The following AFF3 variants were observed in gnomAD, a reference collection of about 807,000 sequenced individuals.
AFF3 encodes the protein AF4/FMR2 family member 3.
A neutral mutation model predicts 129.7 loss-of-function variants in AFF3; 32 were observed. The ratio of observed to expected loss-of-function variants is 0.25; its 90% CI spans 0.19 to 0.33. The LOEUF (loss-of-function observed/expected upper bound fraction) is 0.33, where lower values mean the gene tolerates loss of function less well. AFF3 is among the 10% of genes least tolerant of loss of function. AFF3 has a pLI of 1.00. For synonymous variants in AFF3, 644 were observed against 635.4 expected (o/e 1.01, Z -0.20); for missense variants, 1,373 against 1,592.0 (o/e 0.86, Z 2.34).
chr2:99,642,770 C>A (rs576663594), intron 13 of AFF3, among the ~76,000 whole-genome samples: 6 of 152,340 alleles, frequency 3.9e-5, no homozygotes, highest in African/African-American at 1.4e-4. Context: ...GACCTGGGAT[C>A]TAGTCCTGGC....
chr2:99,670,646 T>C (rs1687074567), intron 12 of AFF3, among the ~76,000 whole-genome samples: 1 of 152,300 alleles, frequency 6.6e-6, no homozygotes, highest in Admixed American at 6.5e-5. Flanking sequence ...TTTAAAAGTA[T>C]GGGAATTACA....
chr2:99,856,113 G>A (rs928774845), intron 7 of AFF3, among the ~76,000 whole-genome samples: 7 of 152,114 alleles, frequency 4.6e-5, no homozygotes, highest in African/African-American at 1.7e-4. Context: ...ATATGACAAC[G>A]AAATGTGTGG....
At chr2:99,841,057 C>A (rs980882162) in intron 7 of AFF3, among the ~76,000 whole-genome samples, 1 of 152,210 alleles carries the variant, frequency 6.6e-6, no homozygotes, top group Non-Finnish European at 1.5e-5. Flanking sequence ...ACCTCAGGTC[C>A]TCCTGGTGGA....
rs751437215 is a variant in AFF3, at chr2:99,594,157, C to T, written c.1504G>A (p.Glu502Lys). The T allele has an allele frequency of 7.4e-6, 12 of 1,614,176 alleles. No individual in the cohort carries two copies. Among genetic ancestry groups the T allele is most frequent in the Non-Finnish European group, 9.3e-6 (11 of 1,180,036 alleles). ...ACTTTCCCACAGTCCTGGACGTCCT[C>T]TTTCACCGGGTTGTAGTACTGATTG... Reference protein sequence around the residue: ...ESNQYYNPVKEDVQDCGKVPD... With the variant: ...ESNQYYNPVKKDVQDCGKVPD... Residue 502 changes from glutamate to lysine, a missense_variant, in exon 15 of 25, where the codon GAG becomes AAG. Around this residue, in one of 9 missense-constraint regions of AFF3, gnomAD observed 413 missense variants for 424.4 expected, o/e 0.97. Coordinates refer to ENST00000672756, the MANE Select transcript of AFF3 (RefSeq NM_001386135.1).
At chr2:99,594,488 C>T (rs1236908619) in intron 14 of AFF3, among the ~76,000 whole-genome samples, 199 bp from the exon 15 acceptor site, 1 of 152,200 alleles carries the variant, frequency 6.6e-6, no homozygotes, top group Non-Finnish European at 1.5e-5. Context: ...TGATGCTGTC[C>T]TTACCGGCCC....
At chr2:100,135,649 C>T (rs915243340) in intron 1 of AFF3, among the ~76,000 whole-genome samples, 3 of 152,136 alleles carry the variant, frequency 2.0e-5, no homozygotes, top group African/African-American at 4.8e-5. Context: ...TGAGCAAATG[C>T]GGAAGGTTGT....
chr2:100,096,139 T>C (rs1690270575), intron 4 of AFF3, among the ~76,000 whole-genome samples: 1 of 140,334 alleles, frequency 7.1e-6, no homozygotes, highest in African/African-American at 2.7e-5. Flanking sequence ...AATGGGGACA[T>C]TTGGTCTGAA....
At chr2:99,642,296 T>C (rs1041578624) in intron 13 of AFF3, among the ~76,000 whole-genome samples, 12 of 152,168 alleles carry the variant, frequency 7.9e-5, no homozygotes, top group Non-Finnish European at 1.6e-4. Flanking sequence ...GATCTTTTTT[T>C]TTTTTTGAGA....
chr2:99,669,811 A>G (rs1037652465), intron 12 of AFF3, among the ~76,000 whole-genome samples: 2 of 152,192 alleles, frequency 1.3e-5, no homozygotes, highest in African/African-American at 2.4e-5. Context: ...CTCTAGTGAA[A>G]ATACAAAAAT....
chr2:100,080,822 T>C (rs1047737311), intron 4 of AFF3, among the ~76,000 whole-genome samples: 4 of 151,800 alleles, frequency 2.6e-5, no homozygotes, highest in Non-Finnish European at 5.9e-5. Context: ...CAGGAAAAGG[T>C]TGGAACCAGA....
intron 4 of AFF3, among the ~76,000 whole-genome samples, chr2:100,078,944 CTTTTT>C (rs35031023): frequency 7.6e-6 from 1 of 131,208 alleles, no homozygotes; most frequent in Non-Finnish European, 1.6e-5. Flanking sequence ...TGAATATTTT[CTTTTT>C]TTTTTTTTTT....
chr2:100,091,381 T>C (rs1176255279), intron 4 of AFF3, among the ~76,000 whole-genome samples: 1 of 151,702 alleles, frequency 6.6e-6, no homozygotes, highest in African/African-American at 2.4e-5. Flanking sequence ...TCTTTTCTAT[T>C]TGAAAATAGT....
intron 7 of AFF3, among the ~76,000 whole-genome samples, chr2:99,931,039 T>A (rs1354300196): frequency 6.6e-6 from 1 of 152,254 alleles, no homozygotes; most frequent in Non-Finnish European, 1.5e-5. Context: ...CTTTGCTTTT[T>A]TCAACTCTGT....
rs902170682 is a variant in AFF3 at position 99,550,226 on chromosome 2, G to A, written c.*1248C>T. The A allele has an allele frequency of 4.3e-6, 1 of 230,938 alleles. No individual in the cohort carries two copies. Among genetic ancestry groups the A allele is most frequent in the African/African-American group, 2.2e-5 (1 of 45,254 alleles). The allele number at this position is 230,938 out of a possible 1,614,324, so 14.3% of individuals were successfully genotyped here. ...ACAAGAGAAAAACTCAGAGCAAGGT[G>A]TAAACATACCAGACACACAGGACAC... On this transcript the variant is annotated 3_prime_UTR_variant, in exon 25 of 25. Coordinates refer to ENST00000672756, the MANE Select transcript of AFF3 (RefSeq NM_001386135.1).
At chr2:100,106,041 T>C (rs1691272015) in intron 2 of AFF3, 1 of 1,317,536 alleles carries the variant, frequency 7.6e-7, no homozygotes, top group African/African-American at 1.5e-5. Flanking sequence ...CTCACCCACC[T>C]CCGAATGAGG....
At chr2:99,753,092 C>CTAT (rs560366939) in intron 8 of AFF3, among the ~76,000 whole-genome samples, 46 of 151,656 alleles carry the variant, frequency 3.0e-4, no homozygotes, top group South Asian at 6.2e-4. Flanking sequence ...GATGTGAACC[C>CTAT]TATTATTATT....
chr2:99,583,666 G>A (rs1026110691), intron 16 of AFF3, among the ~76,000 whole-genome samples: 3 of 151,928 alleles, frequency 2.0e-5, no homozygotes, highest in Non-Finnish European at 4.4e-5. Context: ...ATGAGCCATC[G>A]TGCCCAGCCA....
intron 8 of AFF3, among the ~76,000 whole-genome samples, chr2:99,799,310 G>C (rs1472005745): frequency 6.6e-6 from 1 of 151,740 alleles, no homozygotes; most frequent in African/African-American, 2.4e-5. Context: ...ATGAAACACA[G>C]AGAGAAAAGA....
rs535795009 is a variant in AFF3 at position 99,690,354 on chromosome 2, T to C, written c.1092-17765A>G. ...CGCCACCACGCCCGGCTAATTTTTT[T>C]GTATTTTTAGTAGAGATGGGGTTTC... On this transcript the variant is annotated intron_variant, in intron 11 of 24. Transcript: ENST00000672756. Among the ~76,000 whole-genome samples, 3 of 151,314 alleles carry C rather than the reference T, an allele frequency of 2.0e-5. No homozygotes were observed. The East Asian group carries it at 6.0e-4, about 30-fold the overall frequency.
Sources: allele counts gnomAD v4.1 joint callset (sites outside exome capture counted in the v4.1 genomes callset), GRCh38; gene constraint gnomAD v4.1.1; regional missense constraint gnomAD v4.1.1; transcripts MANE v1.5; gene names NCBI Gene and HGNC (gene_info 2026-07-23, HGNC 2026-07-21).